Variants in TEX14 observed in about 807,000 individuals in gnomAD.
The protein encoded by TEX14 is inactive serine/threonine-protein kinase TEX14.
Under a neutral mutation model 178.6 loss-of-function variants are expected in TEX14, and 168 were observed. The observed-to-expected ratio is 0.94, with a 90% CI of 0.83 to 1.07. TEX14 has a LOEUF of 1.07. TEX14 is among the 50% of genes least tolerant of loss of function. The probability of loss-of-function intolerance (pLI) is 0.00; values close to 1 mark genes in which losing one functional copy is unlikely to be tolerated. For missense variants in TEX14, 1,730 were observed against 1,753.6 expected, an observed-to-expected ratio of 0.99 and a Z score of 0.24; for synonymous variants, 626 against 634.1, an observed-to-expected ratio of 0.99 and a Z score of 0.19.
At chr17:58,567,516 G>T (rs1323181526) in intron 26 of TEX14, among the ~76,000 whole-genome samples, 1 of 152,186 alleles carries the variant, frequency 6.6e-6, no homozygotes, top group Non-Finnish European at 1.5e-5. Flanking sequence ...CTGTATCCTA[G>T]TTCTAAAGAA....
intron 13 of TEX14, among the ~76,000 whole-genome samples, chr17:58,601,092 A>AG (rs2045424647): frequency 6.6e-6 from 1 of 152,036 alleles, no homozygotes; most frequent in African/African-American, 2.4e-5. Context: ...CTAAAAAAAA[A>AG]AAACTTTTTT....
At chr17:58,626,025 G>A (rs896335046) in intron 3 of TEX14, among the ~76,000 whole-genome samples, 1 of 152,012 alleles carries the variant, frequency 6.6e-6, no homozygotes, top group African/African-American at 2.4e-5. Flanking sequence ...TGGGATTACA[G>A]GCGTGAGCCA....
intron 1 of TEX14, among the ~76,000 whole-genome samples, chr17:58,684,812 TA>T (rs2047564693): frequency 6.6e-6 from 1 of 150,884 alleles, no homozygotes; most frequent in Non-Finnish European, 1.5e-5. Flanking sequence ...CTGTCTCCAC[TA>T]AAAAATACAA....
At chr17:58,626,403 T>C (rs968873689) in intron 3 of TEX14, among the ~76,000 whole-genome samples, 1 of 151,194 alleles carries the variant, frequency 6.6e-6, no homozygotes, top group African/African-American at 2.4e-5. Flanking sequence ...CCGTCTCTAC[T>C]AAAAATACAA....
At chr17:58,611,456 T>A in intron 9 of TEX14, 117 bp from the exon 10 acceptor site, 1 of 750,236 alleles carries the variant, frequency 1.3e-6, no homozygotes, top group Non-Finnish European at 2.2e-6. Context: ...AGGATCCCCA[T>A]TTTACAGATG....
intron 13 of TEX14, 67 bp downstream of exon 13, chr17:58,601,739 T>C: frequency 8.4e-6 from 12 of 1,429,882 alleles, no homozygotes; most frequent in African/African-American, 1.4e-5. Flanking sequence ...GTCAATTAGT[T>C]GCAGCTCATG....
chr17:58,617,624 A>C lies in TEX14; in HGVS notation c.555-5T>G. Reference sequence around the variant, plus strand: ...TTAGGAGAGCCATTAGGGTTTCTAGAAATATTTAAAACAGGAAAAAAACCT... The same window carrying C: ...TTAGGAGAGCCATTAGGGTTTCTAGCAATATTTAAAACAGGAAAAAAACCT... On this transcript the variant is annotated splice_polypyrimidine_tract_variant and splice_region_variant and intron_variant, in intron 5 of 31. Coordinates refer to ENST00000349033, the MANE Select transcript of TEX14 (RefSeq NM_031272.5). 3 of 1,606,994 alleles carry C rather than the reference A, an allele frequency of 1.9e-6. 1 individual carries two copies. The Middle Eastern group carries it at 5.0e-4, about 266-fold the overall frequency.
rs200980242 is a variant in TEX14, at chr17:58,662,415, TCACACACA to T, written c.-1-10421_-1-10414del. ...TGTACAGATATATAGCACACATATC[TCACACACA>T]CACACACACACACACACACACACAC... On this transcript the variant is annotated intron_variant, in intron 1 of 31. Transcript: ENST00000349033. 2.1e-3 allele frequency among the ~76,000 whole-genome samples: 237 copies of T among 114,992 alleles called. 1 individual carries two copies. Among genetic ancestry groups the T allele is most frequent in the Middle Eastern group, 5.4e-3 (1 of 184 alleles). 75.4% of individuals were successfully genotyped at this position (114,992 alleles called of 152,430 possible). A position where few individuals can be genotyped will look rare whatever the true frequency, so the allele number is the denominator to read the frequency against.
intron 3 of TEX14, among the ~76,000 whole-genome samples, chr17:58,624,005 C>T (rs1410190182): frequency 2.0e-5 from 3 of 152,102 alleles, no homozygotes; most frequent in East Asian, 1.9e-4. Context: ...CTAAACAGGC[C>T]GGGTGTGGTG....
intron 10 of TEX14, among the ~76,000 whole-genome samples, chr17:58,609,494 C>G (rs1375825783): frequency 1.3e-5 from 2 of 152,208 alleles, no homozygotes; most frequent in Non-Finnish European, 2.9e-5. Flanking sequence ...CCGCATGCCT[C>G]AGCTTCCTAA....
intron 2 of TEX14, among the ~76,000 whole-genome samples, chr17:58,650,046 TTTA>T (rs2046806566): frequency 6.8e-6 from 1 of 146,030 alleles, no homozygotes; most frequent in Non-Finnish European, 1.5e-5. Flanking sequence ...AGCCCAGAGT[TTTA>T]TTTTTGTTTT....
intron 2 of TEX14, among the ~76,000 whole-genome samples, chr17:58,644,953 G>C (rs928911570): frequency 2.7e-5 from 4 of 148,544 alleles, no homozygotes; most frequent in African/African-American, 9.9e-5. Context: ...GCCTAGCCTT[G>C]GCTGTTCTTG....
At chr17:58,673,207 G>A (rs752054034) in intron 1 of TEX14, among the ~76,000 whole-genome samples, 3 of 151,854 alleles carry the variant, frequency 2.0e-5, no homozygotes, top group South Asian at 2.1e-4. Context: ...AGGGCAGGGC[G>A]CGGTAGCTTA....
chr17:58,621,820 G>T (rs562087058), intron 4 of TEX14, 34 bp from the exon 5 acceptor site: 2 of 1,586,266 alleles, frequency 1.3e-6, no homozygotes, highest in Non-Finnish European at 1.7e-6. Context: ...CAGTGCGGGC[G>T]CACCAGTTCT....
rs1309894572 is a variant in TEX14, at chr17:58,579,905, T to C, written c.3172-174A>G. Among the ~76,000 whole-genome samples the C allele has an allele frequency of 2.0e-5, 3 of 152,198 alleles. No individual in the cohort carries two copies. The East Asian group carries it at 5.8e-4, about 29-fold the overall frequency. ...ACATTAAGTACTTATTTGTATCATA[T>C]GTCCTCTCCTCAGTAAGTCCTCCCT... On this transcript the variant is annotated intron_variant, in intron 19 of 31. Coordinates refer to ENST00000349033, the MANE Select transcript of TEX14 (RefSeq NM_031272.5).
chr17:58,556,901 C>G lies in TEX14; in HGVS notation c.*110G>C. Reference sequence around the variant, plus strand: ...TGGCAGCTGAACAAAGTGAGACTTACAGAACTGGAACTGCTGCCCTGACAG... The same window carrying G: ...TGGCAGCTGAACAAAGTGAGACTTAGAGAACTGGAACTGCTGCCCTGACAG... On this transcript the variant is annotated 3_prime_UTR_variant, in exon 32 of 32. Coordinates refer to ENST00000349033, the MANE Select transcript of TEX14 (RefSeq NM_031272.5). 1.1e-6 allele frequency: 1 copy of G among 887,408 alleles called. No homozygotes were observed. Among genetic ancestry groups the G allele is most frequent in the Non-Finnish European group, 1.9e-6 (1 of 527,250 alleles). The allele number at this position is 887,408 out of a possible 1,614,324, so 55.0% of individuals were successfully genotyped here. A position where few individuals can be genotyped will look rare whatever the true frequency, so the allele number is the denominator to read the frequency against.
intron 6 of TEX14, 114 bp from the exon 7 acceptor site, chr17:58,616,419 A>C (rs1426358676): frequency 4.3e-6 from 6 of 1,381,320 alleles, no homozygotes; most frequent in Non-Finnish European, 4.8e-6. Context: ...AACTTTCTGA[A>C]TACCCCTATG....
intron 2 of TEX14, among the ~76,000 whole-genome samples, chr17:58,637,935 C>T (rs1003226307): frequency 2.0e-5 from 3 of 149,814 alleles, no homozygotes; most frequent in Admixed American, 6.7e-5. Flanking sequence ...GATCTCGGCT[C>T]ACTGCAACCT....
intron 2 of TEX14, among the ~76,000 whole-genome samples, chr17:58,645,688 G>A (rs1490913248): frequency 1.3e-5 from 2 of 152,074 alleles, no homozygotes; most frequent in African/African-American, 4.8e-5. Flanking sequence ...GATAAGAGAA[G>A]GGGAGAAATG....
Sources: gnomAD v4.1 joint callset for allele counts (sites outside exome capture counted in the v4.1 genomes callset) on GRCh38, gnomAD v4.1.1 for gene constraint, MANE v1.5 for transcripts, NCBI Gene and HGNC (gene_info 2026-07-23, HGNC 2026-07-21) for gene names.